ASXL3: variants seen among roughly 807,000 people sequenced by gnomAD.
The protein encoded by ASXL3 is putative Polycomb group protein ASXL3.
Under a neutral mutation model 170.6 loss-of-function variants are expected in ASXL3, and 34 were observed. The ratio of observed to expected loss-of-function variants is 0.20; its 90% CI spans 0.15 to 0.27. The LOEUF (loss-of-function observed/expected upper bound fraction) is 0.27. Ranked by LOEUF, ASXL3 falls within the 10% of genes least tolerant of loss-of-function variation. ASXL3 has a pLI of 1.00. For synonymous variants in ASXL3, 1,002 were observed against 989.1 expected (o/e 1.01, Z -0.24); for missense variants, 2,592 against 2,695.3 (o/e 0.96, Z 0.85).
intron 8 of ASXL3, among the ~76,000 whole-genome samples, chr18:33,731,758 T>G (rs1246028852): frequency 1.3e-5 from 2 of 152,110 alleles, no homozygotes; most frequent in Non-Finnish European, 2.9e-5. Context: ...AATCTTTTGT[T>G]GGGTCCCTTT....
At chr18:33,580,917 T>A (rs749035134) in intron 1 of ASXL3, among the ~76,000 whole-genome samples, 20 of 152,200 alleles carry the variant, frequency 1.3e-4, no homozygotes, top group Non-Finnish European at 2.6e-4. Flanking sequence ...AAATACTGAA[T>A]AAAATTGCAA....
intron 4 of ASXL3, among the ~76,000 whole-genome samples, chr18:33,650,181 A>G (rs1276404815): frequency 3.3e-5 from 5 of 152,182 alleles, no homozygotes; most frequent in African/African-American, 1.2e-4. Flanking sequence ...CATTGACAAG[A>G]TGTCATATTA....
chr18:33,702,796 T>G (rs1446354790), intron 8 of ASXL3, among the ~76,000 whole-genome samples: 1 of 152,176 alleles, frequency 6.6e-6, no homozygotes, highest in Non-Finnish European at 1.5e-5. Flanking sequence ...TAAAATTACA[T>G]TTGCCATTGT....
chr18:33,699,729 G>A (rs912379835), intron 8 of ASXL3, among the ~76,000 whole-genome samples: 6 of 152,004 alleles, frequency 3.9e-5, no homozygotes, highest in Non-Finnish European at 7.4e-5. Context: ...TTAGATCTTC[G>A]AATTTCTTGC....
In ASXL3 at chr18:33,743,362, T is replaced by C; in HGVS notation, c.3514T>C (p.Ser1172Pro). The C allele has an allele frequency of 6.2e-7, 1 of 1,613,578 alleles. No homozygotes were observed. The highest frequency in any genetic ancestry group is 1.1e-5 in the South Asian group (1 of 91,086). The change falls in exon 12 of 12, where the codon TCT becomes CCT. Residue 1172 changes from serine to proline, a missense_variant. This residue lies in a region of ASXL3 where 2,246 missense variants were observed against 2,219.6 expected (regional missense o/e 1.01). Coordinates refer to ENST00000269197, the MANE Select transcript of ASXL3 (RefSeq NM_030632.3). Reference sequence around the variant, plus strand: ...AAACTGTAGATCTCCTAGCAACAAGTCTGCCCACCTCCGGGAGACCACCAC... The same window carrying C: ...AAACTGTAGATCTCCTAGCAACAAGCCTGCCCACCTCCGGGAGACCACCAC... ...NPNCRSPSNK[S>P]AHLRETTTVL...
intron 8 of ASXL3, among the ~76,000 whole-genome samples, chr18:33,718,223 A>G (rs893052594): frequency 6.6e-6 from 1 of 152,154 alleles, no homozygotes; most frequent in Non-Finnish European, 1.5e-5. Context: ...CTAATCCGTC[A>G]TCTTTGGCAT....
chr18:33,664,573 T>G (rs78793040), intron 5 of ASXL3, among the ~76,000 whole-genome samples: 2 of 152,136 alleles, frequency 1.3e-5, no homozygotes, highest in Non-Finnish European at 2.9e-5. Context: ...AATAAGTAGA[T>G]TTAAAAAATT....
chr18:33,699,579 G>A (rs113809555), intron 8 of ASXL3, among the ~76,000 whole-genome samples: 3 of 152,108 alleles, frequency 2.0e-5, no homozygotes, highest in African/African-American at 7.2e-5. Flanking sequence ...CACAATTTTA[G>A]TAGCATTCTT....
chr18:33,612,318 A>G (rs975873472), intron 2 of ASXL3, among the ~76,000 whole-genome samples: 2 of 152,112 alleles, frequency 1.3e-5, no homozygotes, highest in Non-Finnish European at 2.9e-5. Context: ...ACTATGTTAA[A>G]TTTCATCAAC....
intron 1 of ASXL3, among the ~76,000 whole-genome samples, chr18:33,600,417 G>A (rs1432406636): frequency 6.6e-6 from 1 of 152,050 alleles, no homozygotes; most frequent in Non-Finnish European, 1.5e-5. Flanking sequence ...TTTACTTGAA[G>A]TACTGAAAAA....
intron 2 of ASXL3, among the ~76,000 whole-genome samples, chr18:33,633,453 T>C (rs965656386): frequency 3.3e-5 from 5 of 152,204 alleles, no homozygotes; most frequent in Non-Finnish European, 7.3e-5. Context: ...TAAACTAATT[T>C]GCATTTTTGA....
chr18:33,716,391 A>G (rs369725926), intron 8 of ASXL3, among the ~76,000 whole-genome samples: 2 of 152,216 alleles, frequency 1.3e-5, no homozygotes, highest in African/African-American at 4.8e-5. Context: ...CCCAAACTTC[A>G]TTGATCTTAA....
chr18:33,675,851 C>T (rs2066416492), intron 7 of ASXL3, among the ~76,000 whole-genome samples: 1 of 151,816 alleles, frequency 6.6e-6, no homozygotes, highest in Admixed American at 6.6e-5. Flanking sequence ...TTAAAGCGCA[C>T]AATAAAACAA....
chr18:33,628,536 T>G (rs1277698398), intron 2 of ASXL3, among the ~76,000 whole-genome samples: 1 of 152,118 alleles, frequency 6.6e-6, no homozygotes, highest in Non-Finnish European at 1.5e-5. Context: ...TTTTGGATTT[T>G]CTATCTTTGT....
At chr18:33,698,332 T>C (rs1252213440) in intron 8 of ASXL3, among the ~76,000 whole-genome samples, 1 of 152,158 alleles carries the variant, frequency 6.6e-6, no homozygotes, top group East Asian at 1.9e-4. Flanking sequence ...CCCCTAGAAC[T>C]GTGACAAAAT....
chr18:33,654,598 T>C (rs980935900), intron 4 of ASXL3, among the ~76,000 whole-genome samples: 2 of 152,088 alleles, frequency 1.3e-5, no homozygotes, highest in Non-Finnish European at 2.9e-5. Flanking sequence ...TGTCCACTTT[T>C]TTCTGTTTCT....
chr18:33,663,121 G>T (rs2066203356), intron 5 of ASXL3, among the ~76,000 whole-genome samples: 1 of 152,124 alleles, frequency 6.6e-6, no homozygotes, highest in Non-Finnish European at 1.5e-5. Flanking sequence ...ATTGAAATTG[G>T]TGTTGAGATC....
chr18:33,670,601 G>A (rs2066325105), intron 5 of ASXL3, 72 bp from the exon 6 acceptor site: 7 of 1,132,740 alleles, frequency 6.2e-6, no homozygotes, highest in Non-Finnish European at 8.7e-6. Context: ...GGACAAATGA[G>A]TCACTTAATT....
At chr18:33,675,939 C>T (rs1305351230) in intron 7 of ASXL3, among the ~76,000 whole-genome samples, 4 of 151,758 alleles carry the variant, frequency 2.6e-5, no homozygotes, top group Non-Finnish European at 4.4e-5. Context: ...AAAAATTCCT[C>T]GGTTGGCTGG....
Sources: gnomAD v4.1 joint callset for allele counts (sites outside exome capture counted in the v4.1 genomes callset) on GRCh38, gnomAD v4.1.1 for gene constraint, gnomAD v4.1.1 regional missense constraint, MANE v1.5 for transcripts, NCBI Gene and HGNC (gene_info 2026-07-23, HGNC 2026-07-21) for gene names.